CAMSAP1: variants seen among roughly 807,000 people sequenced by gnomAD.
CAMSAP1 encodes calmodulin regulated spectrin associated protein 1.
In CAMSAP1, 58 loss-of-function variants were observed where a neutral mutation model predicts 143.5. The observed-to-expected ratio is 0.40, with a 90% CI of 0.33 to 0.50. The LOEUF is 0.50. Ranked by LOEUF, CAMSAP1 falls within the 20% of genes least tolerant of loss-of-function variation. The pLI is 0.45. For missense variants in CAMSAP1, 1,969 were observed against 2,115.7 expected (o/e 0.93, Z 1.36); for synonymous variants, 945 against 859.3 (o/e 1.10, Z -1.74).
intron 14 of CAMSAP1, among the ~76,000 whole-genome samples, chr9:135,817,487 G>C (rs1835271729): frequency 6.6e-6 from 1 of 152,020 alleles, no homozygotes; most frequent in Non-Finnish European, 1.5e-5. Flanking sequence ...AACTTCCTGG[G>C]CTCAAGCGAT....
At chr9:135,878,037 G>A (rs1837811121) in intron 3 of CAMSAP1, among the ~76,000 whole-genome samples, 1 of 152,180 alleles carries the variant, frequency 6.6e-6, no homozygotes, top group South Asian at 2.1e-4. Flanking sequence ...CTCAAGCTGG[G>A]GAAAGCGCTT....
rs560013821 is a variant in CAMSAP1, at chr9:135,887,941, G to A, written c.161-4863C>T. 7.4e-3 allele frequency among the ~76,000 whole-genome samples: 1,132 copies of A among 152,344 alleles called. 24 individuals are homozygous for A. The highest frequency in any genetic ancestry group is 0.026 in the African/African-American group (1,070 of 41,568). On this transcript the variant is annotated intron_variant, in intron 1 of 16. Coordinates refer to ENST00000389532, the MANE Select transcript of CAMSAP1 (RefSeq NM_015447.4). Reference sequence around the variant, plus strand: ...GGACTGCTGTGGGGCAGGCCTCGGCGGGAGCCACACAGAAAGGCCCTGGGA... The same window carrying A: ...GGACTGCTGTGGGGCAGGCCTCGGCAGGAGCCACACAGAAAGGCCCTGGGA...
intron 7 of CAMSAP1, among the ~76,000 whole-genome samples, chr9:135,833,867 G>A (rs1018520911): frequency 1.3e-5 from 2 of 152,152 alleles, no homozygotes; most frequent in African/African-American, 2.4e-5. Context: ...CAAACAAAAC[G>A]AGATGGCAGC....
chr9:135,895,761 C>T (rs992659332), intron 1 of CAMSAP1, among the ~76,000 whole-genome samples: 1 of 151,966 alleles, frequency 6.6e-6, no homozygotes, highest in Non-Finnish European at 1.5e-5. Context: ...AGAGCAAGGG[C>T]GGCTAAATGG....
chr9:135,883,045 TAGA>T lies in CAMSAP1; in HGVS notation c.191_193del (p.Phe64del). On this transcript the variant is annotated inframe_deletion, in exon 2 of 17. Transcript: ENST00000389532. ...GTGCTCCTGCTCATACTGGTCAACGTAGAAAGGGTCTCTGAGGTCCTCAGGGAT... is the reference window on the plus strand; with the variant it reads ...GTGCTCCTGCTCATACTGGTCAACGTAAGGGTCTCTGAGGTCCTCAGGGAT... 1 of 1,551,402 alleles carries T rather than the reference TAGA, an allele frequency of 6.4e-7. No homozygotes were observed.
chr9:135,897,573 G>T (rs565732508), intron 1 of CAMSAP1, among the ~76,000 whole-genome samples: 1 of 152,244 alleles, frequency 6.6e-6, no homozygotes, highest in East Asian at 1.9e-4. Context: ...CCTAGCTTTA[G>T]GCTACTCCCA....
chr9:135,870,736 A>G (rs949483086), intron 3 of CAMSAP1, among the ~76,000 whole-genome samples: 12 of 152,230 alleles, frequency 7.9e-5, no homozygotes, highest in Non-Finnish European at 1.5e-4. Flanking sequence ...CAGAGGTGGC[A>G]GTGAGCCAAG....
At chr9:135,883,213 AT>A (rs1459826701) in intron 1 of CAMSAP1, 135 bp from the exon 2 acceptor site, 5 of 906,620 alleles carry the variant, frequency 5.5e-6, no homozygotes, top group South Asian at 5.3e-5. Flanking sequence ...GTCAAAAAAA[AT>A]AATTGATTGA....
chr9:135,894,772 T>C (rs1160478806), intron 1 of CAMSAP1, among the ~76,000 whole-genome samples: 1 of 152,190 alleles, frequency 6.6e-6, no homozygotes, highest in Non-Finnish European at 1.5e-5. Context: ...CCATCAGAAA[T>C]GACTTTAATC....
At chr9:135,903,975 C>T (rs150333638) in intron 1 of CAMSAP1, among the ~76,000 whole-genome samples, 2 of 152,328 alleles carry the variant, frequency 1.3e-5, no homozygotes, top group Admixed American at 6.5e-5. Context: ...ACCCCAACAA[C>T]GTAAATCACT....
At chr9:135,855,828 G>T (rs1016302591) in intron 5 of CAMSAP1, among the ~76,000 whole-genome samples, 2 of 151,730 alleles carry the variant, frequency 1.3e-5, no homozygotes, top group African/African-American at 2.4e-5. Flanking sequence ...CGAGGCGGGC[G>T]GATCACAAGG....
chr9:135,859,427 C>T (rs1334466901), intron 5 of CAMSAP1, among the ~76,000 whole-genome samples: 1 of 152,206 alleles, frequency 6.6e-6, no homozygotes, highest in Non-Finnish European at 1.5e-5. Flanking sequence ...CAGTCTCGCT[C>T]TGTCACCCAG....
In CAMSAP1 at chr9:135,821,839, TGA is replaced by T; in HGVS notation, c.2820_2821del (p.Gln941AlafsTer45). The T allele has an allele frequency of 6.2e-7, 1 of 1,614,050 alleles. No homozygotes were observed. The highest frequency in any genetic ancestry group is 8.5e-7 in the Non-Finnish European group (1 of 1,179,890). On this transcript the variant is annotated frameshift_variant, in exon 11 of 17. Coordinates refer to ENST00000389532, the MANE Select transcript of CAMSAP1 (RefSeq NM_015447.4). LOFTEE classifies it high-confidence loss of function. This position sits in a 1 kb window ranked among gnomAD's most constrained non-coding sequence, Gnocchi z 4.6. Reference sequence around the variant, plus strand: ...GTCCCCACAGTCCTCCCCGTTGTGCTGAGAGTACTCCTTTGCAAAGTGCTCCG... The same window carrying T: ...GTCCCCACAGTCCTCCCCGTTGTGCTGAGTACTCCTTTGCAAAGTGCTCCG...
At chr9:135,817,092 A>T (rs1702183999) in intron 14 of CAMSAP1, among the ~76,000 whole-genome samples, 2 of 152,344 alleles carry the variant, frequency 1.3e-5, no homozygotes, top group East Asian at 1.9e-4. Flanking sequence ...ACCAAAAGTC[A>T]AGGTCCAGAA....
At chr9:135,823,671 C>A (rs1035839982) in intron 10 of CAMSAP1, among the ~76,000 whole-genome samples, 1 of 152,176 alleles carries the variant, frequency 6.6e-6, no homozygotes, top group East Asian at 1.9e-4. Context: ...CTATTTGACA[C>A]CTGTATAGTT....
chr9:135,824,153 A>G lies in CAMSAP1; in HGVS notation c.1316-119T>C, dbSNP rs1835589712. 1.2e-6 allele frequency: 1 copy of G among 832,608 alleles called. No individual in the cohort carries two copies. The highest frequency in any genetic ancestry group is 2.0e-6 in the Non-Finnish European group (1 of 507,006). 51.6% of individuals were successfully genotyped at this position (832,608 alleles called of 1,614,324 possible). A position where few individuals can be genotyped will look rare whatever the true frequency, so the allele number is the denominator to read the frequency against. ...CAAGTCAGTACACCAGAAGGGCCGC[A>G]TGGAAAGCAGAGAGGCAAAACCATA... On this transcript the variant is annotated intron_variant, in intron 9 of 16. Transcript: ENST00000389532. This position sits in a 1 kb window ranked among gnomAD's most constrained non-coding sequence, Gnocchi z 4.1.
rs1477865460 is a variant in CAMSAP1 at position 135,816,073 on chromosome 9, G to A, written c.4272-68C>T. The A allele has an allele frequency of 3.6e-5, 51 of 1,430,584 alleles. 1 individual carries two copies. The East Asian group carries it at 1.2e-3, about 33-fold the overall frequency. 88.6% of individuals were successfully genotyped at this position (1,430,584 alleles called of 1,614,324 possible). On this transcript the variant is annotated intron_variant, in intron 14 of 16. Transcript: ENST00000389532. ...GCTTCCTCTCACCACTGCTGGCAAG[G>A]GGCTGGCCCGCAACCAGGACAGGAA...
intron 3 of CAMSAP1, among the ~76,000 whole-genome samples, chr9:135,870,782 CAG>C (rs1456337309): frequency 6.6e-6 from 1 of 152,074 alleles, no homozygotes; most frequent in Admixed American, 6.6e-5. Context: ...GTGACAGAGC[CAG>C]AGTCTCTCTC....
At chr9:135,906,132 G>A (rs910493239) in intron 1 of CAMSAP1, among the ~76,000 whole-genome samples, 15 of 152,260 alleles carry the variant, frequency 9.9e-5, no homozygotes, top group Admixed American at 1.3e-4. Flanking sequence ...ACAGGCCACT[G>A]TCAAACAGGG....
Sources: gnomAD v4.1 joint callset for allele counts (sites outside exome capture counted in the v4.1 genomes callset) on GRCh38, gnomAD v4.1.1 for gene constraint, Gnocchi (gnomAD v3.1) non-coding constraint, MANE v1.5 for transcripts, NCBI Gene and HGNC (gene_info 2026-07-23, HGNC 2026-07-21) for gene names.